The following MACROD2 variants were observed in gnomAD, a reference collection of about 807,000 sequenced individuals.
MACROD2 encodes the protein mono-ADP ribosylhydrolase 2, also known as ADP-ribose glycohydrolase MACROD2.
In MACROD2, 36 loss-of-function variants were observed where a neutral mutation model predicts 70.4. The ratio of observed to expected loss-of-function variants is 0.51; its 90% CI spans 0.39 to 0.68. The LOEUF (loss-of-function observed/expected upper bound fraction) is 0.68. MACROD2 is among the 30% of genes least tolerant of loss of function. MACROD2 has a pLI of 0.00. For synonymous variants in MACROD2, 172 were observed against 178.8 expected (o/e 0.96, Z 0.30); for missense variants, 496 against 538.4 (o/e 0.92, Z 0.78).
chr20:15,434,031 C>A (rs761211591), intron 7 of MACROD2, among the ~76,000 whole-genome samples: 1 of 151,984 alleles, frequency 6.6e-6, no homozygotes, highest in Non-Finnish European at 1.5e-5. Context: ...TCACCTCACA[C>A]AAAAATCAAC....
chr20:14,860,324 A>G (rs2073300769), intron 5 of MACROD2, among the ~76,000 whole-genome samples: 1 of 152,014 alleles, frequency 6.6e-6, no homozygotes, highest in Admixed American at 6.6e-5. Context: ...AAGGAAAAGA[A>G]TTTATGCAAA....
chr20:15,314,308 C>T (rs1944906322), intron 6 of MACROD2, among the ~76,000 whole-genome samples: 1 of 151,970 alleles, frequency 6.6e-6, no homozygotes, highest in African/African-American at 2.4e-5. Flanking sequence ...TAAAAATGAG[C>T]GGACAGGCAC....
At chr20:15,995,083 TA>T (rs1343827680) in intron 15 of MACROD2, among the ~76,000 whole-genome samples, 10 of 152,136 alleles carry the variant, frequency 6.6e-5, no homozygotes, top group Middle Eastern at 3.4e-3. Flanking sequence ...ATAATTGAGT[TA>T]TTTTTTTTCT....
At chr20:15,975,406 AC>A (rs1478559908) in intron 13 of MACROD2, among the ~76,000 whole-genome samples, 1 of 152,060 alleles carries the variant, frequency 6.6e-6, no homozygotes, top group East Asian at 1.9e-4. Flanking sequence ...ACTAACACCC[AC>A]CCAGAGTATG....
intron 3 of MACROD2, among the ~76,000 whole-genome samples, chr20:14,426,286 T>C (rs1279900536): frequency 3.3e-5 from 5 of 152,084 alleles, no homozygotes; most frequent in African/African-American, 9.7e-5. Context: ...TTTTTTGTTA[T>C]ATTTTTTGTT....
chr20:14,008,578 A>G (rs965698676), intron 2 of MACROD2, among the ~76,000 whole-genome samples: 1 of 152,330 alleles, frequency 6.6e-6, no homozygotes, highest in Non-Finnish European at 1.5e-5. Context: ...TATTCCTATT[A>G]AACTACTATC....
At chr20:15,974,864 T>A (rs1226493698) in intron 13 of MACROD2, among the ~76,000 whole-genome samples, 3 of 152,152 alleles carry the variant, frequency 2.0e-5, no homozygotes, top group Non-Finnish European at 4.4e-5. Flanking sequence ...TACACATATC[T>A]GTAATGTGTG....
In MACROD2 at chr20:14,230,622, C is replaced by T. The variant is rs531190278; in HGVS notation, c.271+144894C>T. 1.5e-4 allele frequency among the ~76,000 whole-genome samples: 4 copies of T among 27,158 alleles called. No homozygotes were observed. The South Asian group carries it at 7.3e-3, about 50-fold the overall frequency. The allele number at this position is 27,158 out of a possible 152,430, so 17.8% of individuals were successfully genotyped here. A position where few individuals can be genotyped will look rare whatever the true frequency, so the allele number is the denominator to read the frequency against. ...TTGGAATCAACTTCTTCCAAACTCTCATTCATGTTTATATATATATATATA... is the reference window on the plus strand; with the variant it reads ...TTGGAATCAACTTCTTCCAAACTCTTATTCATGTTTATATATATATATATA... On this transcript the variant is annotated intron_variant, in intron 3 of 17. Coordinates refer to ENST00000684519, the MANE Select transcript of MACROD2 (RefSeq NM_001351661.2).
At chr20:14,491,036 T>A (rs1452632590) in intron 3 of MACROD2, among the ~76,000 whole-genome samples, 2 of 152,150 alleles carry the variant, frequency 1.3e-5, no homozygotes, top group African/African-American at 4.8e-5. Flanking sequence ...TTGGAGATAA[T>A]GAAGTAGAAA....
chr20:14,963,333 ACCT>A (rs773491954), intron 5 of MACROD2, among the ~76,000 whole-genome samples: 10 of 151,870 alleles, frequency 6.6e-5, no homozygotes, highest in Non-Finnish European at 1.3e-4. Flanking sequence ...CTTCCCTCAC[ACCT>A]CCTCCCAATA....
chr20:16,043,450 C>T (rs12625514), intron 16 of MACROD2, among the ~76,000 whole-genome samples: 24,213 of 151,978 alleles, frequency 0.16, 2,403 homozygotes, highest in African/African-American at 0.28. Flanking sequence ...TATTTGTATA[C>T]TGATTTTCTC....
chr20:15,903,283 A>C (rs1005336039), intron 10 of MACROD2, among the ~76,000 whole-genome samples: 7 of 152,200 alleles, frequency 4.6e-5, no homozygotes, highest in African/African-American at 1.7e-4. Context: ...CGGAGGTTGC[A>C]GTGAGCCGAG....
chr20:15,031,075 C>G (rs1317326745), intron 5 of MACROD2, among the ~76,000 whole-genome samples: 1 of 152,232 alleles, frequency 6.6e-6, no homozygotes, highest in African/African-American at 2.4e-5. Context: ...CCACTGTGCA[C>G]AGCCAGGCTG....
intron 8 of MACROD2, among the ~76,000 whole-genome samples, chr20:15,507,042 G>A (rs1056274269): frequency 6.6e-6 from 1 of 152,272 alleles, no homozygotes; most frequent in Non-Finnish European, 1.5e-5. Context: ...ATATGCTGCC[G>A]TAAAAACGTA....
intron 4 of MACROD2, among the ~76,000 whole-genome samples, chr20:14,680,922 T>C (rs964823140): frequency 2.6e-5 from 4 of 152,058 alleles, no homozygotes; most frequent in African/African-American, 7.2e-5. Flanking sequence ...AAAAGTGAAA[T>C]GGAATTAATA....
chr20:14,185,630 AATAAT>A (rs2081338479), intron 3 of MACROD2, among the ~76,000 whole-genome samples: 1 of 152,104 alleles, frequency 6.6e-6, no homozygotes, highest in Non-Finnish European at 1.5e-5. Context: ...TATAAAGTAA[AATAAT>A]ATAAAATGCA....
chr20:15,940,584 G>A (rs2065737573), intron 12 of MACROD2, among the ~76,000 whole-genome samples: 1 of 152,144 alleles, frequency 6.6e-6, no homozygotes, highest in South Asian at 2.1e-4. Flanking sequence ...ACATTGAATG[G>A]CCAGTAGTGG....
chr20:15,380,515 TAATA>T (rs1359705912), intron 6 of MACROD2, among the ~76,000 whole-genome samples: 2 of 151,974 alleles, frequency 1.3e-5, no homozygotes, highest in East Asian at 3.9e-4. Flanking sequence ...AAAACAAAGA[TAATA>T]AATATGCAAA....
intron 3 of MACROD2, among the ~76,000 whole-genome samples, chr20:14,154,792 AG>A (rs1288447172): frequency 6.6e-6 from 1 of 152,064 alleles, no homozygotes; most frequent in African/African-American, 2.4e-5. Context: ...TTGTGCCTGT[AG>A]CTGTTCATCT....
Sources: allele counts gnomAD v4.1 joint callset (sites outside exome capture counted in the v4.1 genomes callset), GRCh38; gene constraint gnomAD v4.1.1; transcripts MANE v1.5; gene names NCBI Gene and HGNC (gene_info 2026-07-23, HGNC 2026-07-21).